ARHGAP24: variants seen among roughly 807,000 people sequenced by gnomAD.
ARHGAP24 encodes the protein Rho GTPase activating protein 24, also known as rho GTPase-activating protein 24.
ARHGAP24 carries 50 observed loss-of-function variants against 76.4 expected under a neutral mutation model. The ratio of observed to expected loss-of-function variants is 0.65; its 90% CI spans 0.52 to 0.83. ARHGAP24 has a LOEUF of 0.83. ARHGAP24 is among the 40% of genes least tolerant of loss of function. The pLI, the probability that ARHGAP24 is intolerant of heterozygous loss-of-function variation, is 0.00. For synonymous variants in ARHGAP24, 345 were observed against 323.3 expected, an observed-to-expected ratio of 1.07 and a Z score of -0.72; for missense variants, 930 against 914.2, an observed-to-expected ratio of 1.02 and a Z score of -0.22.
intron 3 of ARHGAP24, among the ~76,000 whole-genome samples, chr4:85,771,534 CA>C (rs1196922214): frequency 5.3e-5 from 8 of 152,204 alleles, no homozygotes; most frequent in African/African-American, 1.7e-4. Context: ...CTTCTGGAAA[CA>C]CAGTCACAGG....
At chr4:85,822,607 G>A (rs1001258154) in intron 3 of ARHGAP24, among the ~76,000 whole-genome samples, 2 of 152,080 alleles carry the variant, frequency 1.3e-5, no homozygotes, top group Admixed American at 1.3e-4. Flanking sequence ...TCTGAAATAC[G>A]TGTTCATGCA....
Position 85,946,903 on chromosome 4 carries a change from C to T in ARHGAP24, c.599+4630C>T, listed in dbSNP as rs555656732. Among the ~76,000 whole-genome samples the T allele has an allele frequency of 4.1e-4, 62 of 152,274 alleles. 1 individual carries two copies. The highest frequency in any genetic ancestry group is 1.5e-3 in the African/African-American group (62 of 41,556). On this transcript the variant is annotated intron_variant, in intron 5 of 9. Coordinates refer to ENST00000395184, the MANE Select transcript of ARHGAP24 (RefSeq NM_001025616.3). ...CAACTCTCACTTCCTTGAGAAATCT[C>T]CAAATTGCTCTCCACAGTGGCTGAA... is the stretch of plus-strand genomic sequence containing the variant.
At chr4:85,730,602 T>G (rs929102004) in intron 3 of ARHGAP24, among the ~76,000 whole-genome samples, 12 of 152,018 alleles carry the variant, frequency 7.9e-5, no homozygotes, top group Non-Finnish European at 8.8e-5. Flanking sequence ...AGAGATGAGG[T>G]CTCACTATGT....
chr4:85,612,792 C>CTTTTTTTTTTTTTTTTTTTT (rs70948739), intron 2 of ARHGAP24, among the ~76,000 whole-genome samples: 2 of 82,774 alleles, frequency 2.4e-5, no homozygotes, highest in Non-Finnish European at 4.3e-5. Flanking sequence ...CTTTCCATTC[C>CTTTTTTTTTTTTTTTTTTTT]TTTTTTTTTT....
chr4:85,787,566 TC>T (rs1727909053), intron 3 of ARHGAP24, among the ~76,000 whole-genome samples: 1 of 152,206 alleles, frequency 6.6e-6, no homozygotes, highest in South Asian at 2.1e-4. Context: ...CTTTTGAGTT[TC>T]AAAAAAATCT....
chr4:85,723,186 C>CT (rs1725025199), intron 3 of ARHGAP24: 1 of 152,196 alleles, frequency 6.6e-6, no homozygotes, highest in Non-Finnish European at 1.5e-5. Flanking sequence ...GAGGAAATGT[C>CT]TTTTCCGATT....
At chr4:85,812,715 T>C (rs1729066151) in intron 3 of ARHGAP24, among the ~76,000 whole-genome samples, 1 of 152,224 alleles carries the variant, frequency 6.6e-6, no homozygotes, top group South Asian at 2.1e-4. Context: ...CCACAATTAC[T>C]TCACAGGGCT....
rs546746576 is a variant in ARHGAP24 at position 85,857,879 on chromosome 4, A to G, written c.269-65769A>G. ...GGTTCCTGCTTTTTATGTTTATCTAATATTTTTTCTGGCCCTCTGAAGCTC... is the reference window on the plus strand; with the variant it reads ...GGTTCCTGCTTTTTATGTTTATCTAGTATTTTTTCTGGCCCTCTGAAGCTC... On this transcript the variant is annotated intron_variant, in intron 3 of 9. Coordinates refer to ENST00000395184, the MANE Select transcript of ARHGAP24 (RefSeq NM_001025616.3). 5.3e-5 allele frequency among the ~76,000 whole-genome samples: 8 copies of G among 152,202 alleles called. No homozygotes were observed. The South Asian group carries it at 6.2e-4, about 12-fold the overall frequency.
At chr4:85,564,244 C>T in intron 1 of ARHGAP24, among the ~76,000 whole-genome samples, 1 of 152,012 alleles carries the variant, frequency 6.6e-6, no homozygotes, top group African/African-American at 2.4e-5. Flanking sequence ...CAGCTTCATC[C>T]ATGTCCCTAA....
intron 1 of ARHGAP24, among the ~76,000 whole-genome samples, chr4:85,529,036 G>A (rs544831182): frequency 6.6e-6 from 1 of 152,156 alleles, no homozygotes; most frequent in Admixed American, 6.5e-5. Context: ...CTACTCCTGA[G>A]CTGATCATGT....
At chr4:85,481,509 G>A (rs1722816279) in intron 1 of ARHGAP24, among the ~76,000 whole-genome samples, 1 of 152,182 alleles carries the variant, frequency 6.6e-6, no homozygotes, top group Admixed American at 6.5e-5. Flanking sequence ...GTTGGGACCT[G>A]TGGGATGGGT....
intron 3 of ARHGAP24, among the ~76,000 whole-genome samples, chr4:85,917,361 C>A (rs565032542): frequency 6.6e-6 from 1 of 151,886 alleles, no homozygotes; most frequent in South Asian, 2.1e-4. Flanking sequence ...TGAATAGTGC[C>A]GCAATAAACA....
chr4:85,715,436 G>A (rs756414039), intron 2 of ARHGAP24, among the ~76,000 whole-genome samples: 2 of 152,096 alleles, frequency 1.3e-5, no homozygotes, highest in South Asian at 4.1e-4. Context: ...TGTGTACCAG[G>A]CACTTTTGTA....
chr4:85,900,644 T>C (rs1370178974), intron 3 of ARHGAP24, among the ~76,000 whole-genome samples: 2 of 152,100 alleles, frequency 1.3e-5, no homozygotes, highest in Non-Finnish European at 2.9e-5. Flanking sequence ...CAGGCTGATC[T>C]CAAACTCCTG....
At chr4:85,881,890 T>C (rs7681601) in intron 3 of ARHGAP24, among the ~76,000 whole-genome samples, 1,883 of 152,304 alleles carry the variant, frequency 0.012, 43 homozygotes, top group African/African-American at 0.043. Flanking sequence ...TCGGATATTA[T>C]TTATAGGGAA....
intron 5 of ARHGAP24, among the ~76,000 whole-genome samples, chr4:85,946,601 G>C (rs568263602): frequency 6.6e-6 from 1 of 151,970 alleles, no homozygotes; most frequent in African/African-American, 2.4e-5. Flanking sequence ...CTGTTTCTTC[G>C]TTAGTTCACT....
At chr4:85,564,521 T>C (rs1056991765) in intron 1 of ARHGAP24, among the ~76,000 whole-genome samples, 64 of 151,260 alleles carry the variant, frequency 4.2e-4, no homozygotes, top group Middle Eastern at 6.8e-3. Flanking sequence ...TGCACATGGA[T>C]CCTAGAACTT....
chr4:85,780,261 C>T (rs534343628), intron 3 of ARHGAP24, among the ~76,000 whole-genome samples: 1 of 152,198 alleles, frequency 6.6e-6, no homozygotes, highest in African/African-American at 2.4e-5. Context: ...GCAACCTCCA[C>T]CTCCTGGATT....
At chr4:85,930,974 T>TAGCCTC in intron 4 of ARHGAP24, 1 of 1,613,688 alleles carries the variant, frequency 6.2e-7, no homozygotes, top group African/African-American at 1.3e-5. Context: ...GCTGGTGCCT[T>TAGCCTC]AGCCTCAACT....
Sources: gnomAD v4.1 joint callset for allele counts (sites outside exome capture counted in the v4.1 genomes callset) on GRCh38, gnomAD v4.1.1 for gene constraint, MANE v1.5 for transcripts, NCBI Gene and HGNC (gene_info 2026-07-23, HGNC 2026-07-21) for gene names.